The following SNTG1 variants were observed in gnomAD, a reference collection of about 807,000 sequenced individuals.
The protein encoded by SNTG1 is gamma-1-syntrophin.
SNTG1 carries 39 observed loss-of-function variants against 74.7 expected under a neutral mutation model. That is an observed-to-expected ratio of 0.52 (90% confidence interval 0.40 to 0.68). The LOEUF is 0.68. Among genes scored for constraint, SNTG1 ranks in the 30% least tolerant of loss-of-function variants. The pLI is 0.00. For missense variants in SNTG1, 685 were observed against 609.5 expected (o/e 1.12, Z -1.30); for synonymous variants, 254 against 217.1 (o/e 1.17, Z -1.49).
Position 50,442,613 on chromosome 8 carries a change from G to C in SNTG1, c.219+4014G>C, listed in dbSNP as rs550774985. Among the ~76,000 whole-genome samples, 5 of 122,436 alleles carry C rather than the reference G, an allele frequency of 4.1e-5. No homozygotes were observed. In the South Asian group the frequency reaches 1.3e-3, roughly 32 times the overall value. 80.3% of individuals were successfully genotyped at this position (122,436 alleles called of 152,430 possible). On this transcript the variant is annotated intron_variant, in intron 5 of 18. Coordinates refer to ENST00000642720, the MANE Select transcript of SNTG1 (RefSeq NM_018967.5). The stretch of plus-strand genomic sequence containing the variant: ...GCCTGTTATTATTTAATTTTCCTTT[G>C]TTAAAACATCTCTCAGAAATCACAT...
chr8:50,014,669 A>AC (rs1816143411), intron 1 of SNTG1, among the ~76,000 whole-genome samples: 1 of 152,274 alleles, frequency 6.6e-6, no homozygotes, highest in East Asian at 1.9e-4. Flanking sequence ...ACGGCAAAGG[A>AC]TAGAGGATCT....
At chr8:50,355,444 T>C (rs1194095461) in intron 2 of SNTG1, among the ~76,000 whole-genome samples, 3 of 152,182 alleles carry the variant, frequency 2.0e-5, no homozygotes, top group African/African-American at 7.2e-5. Context: ...TTGATAATTA[T>C]GTTAGTATTT....
chr8:50,061,943 T>C (rs558636109), intron 1 of SNTG1, among the ~76,000 whole-genome samples: 1 of 152,278 alleles, frequency 6.6e-6, no homozygotes, highest in Non-Finnish European at 1.5e-5. Context: ...TACTAATGGG[T>C]AAAATATGGT....
At chr8:50,656,037 G>A (rs559289914) in intron 13 of SNTG1, among the ~76,000 whole-genome samples, 3 of 152,054 alleles carry the variant, frequency 2.0e-5, no homozygotes, top group African/African-American at 7.2e-5. Context: ...GATGATAGAA[G>A]GTCTCATGAG....
intron 2 of SNTG1, among the ~76,000 whole-genome samples, chr8:50,293,599 G>T (rs1473079297): frequency 6.6e-6 from 1 of 151,730 alleles, no homozygotes; most frequent in Non-Finnish European, 1.5e-5. Context: ...TAGTAGAGAT[G>T]GGGTTTCACC....
At position 50,648,232 on chromosome 8, in the gene SNTG1, G is replaced by A. The variant is rs187846316; in HGVS notation, c.850-8677G>A. 3.0e-3 allele frequency among the ~76,000 whole-genome samples: 462 copies of A among 152,158 alleles called. 3 individuals are homozygous for A. Among genetic ancestry groups the A allele is most frequent in the African/African-American group, 0.011 (445 of 41,540 alleles). On this transcript the variant is annotated intron_variant, in intron 13 of 18. Transcript: ENST00000642720. ...AAACTCAGTTCAAAATCATAAAACT[G>A]CATACAGTGATGATATTTCTGGAAG...
chr8:50,699,410 T>C (rs1186616011), intron 15 of SNTG1, among the ~76,000 whole-genome samples: 4 of 152,190 alleles, frequency 2.6e-5, no homozygotes, highest in African/African-American at 9.7e-5. Context: ...GTCCCAATAT[T>C]TGATTTTGCT....
At chr8:49,949,129 T>C (rs1358529772) in intron 1 of SNTG1, among the ~76,000 whole-genome samples, 2 of 152,262 alleles carry the variant, frequency 1.3e-5, no homozygotes, top group Non-Finnish European at 2.9e-5. Flanking sequence ...CCAGGCCTGA[T>C]GGTTCTAAAA....
At chr8:50,233,010 T>C (rs991011624) in intron 2 of SNTG1, among the ~76,000 whole-genome samples, 7 of 151,632 alleles carry the variant, frequency 4.6e-5, no homozygotes, top group Admixed American at 6.6e-5. Context: ...ATAAGTTTAA[T>C]GAAATTCCTG....
In SNTG1 at chr8:49,998,516, TTACTA is replaced by T. The variant is rs1402549441; in HGVS notation, c.-103+86293_-103+86297del. 2.6e-5 allele frequency among the ~76,000 whole-genome samples: 4 copies of T among 151,960 alleles called. No individual in the cohort carries two copies. In the East Asian group the frequency reaches 5.8e-4, roughly 22 times the overall value. Reference sequence around the variant, plus strand: ...CTGTACAAAATATTTTTTAATATCTTTACTATACTATATGTTTTATTTTATTTTTA... The same window carrying T: ...CTGTACAAAATATTTTTTAATATCTTTACTATATGTTTTATTTTATTTTTA... On this transcript the variant is annotated intron_variant, in intron 1 of 18. Transcript: ENST00000642720.
intron 2 of SNTG1, among the ~76,000 whole-genome samples, chr8:50,211,917 G>T (rs988030097): frequency 3.3e-5 from 5 of 151,930 alleles, no homozygotes; most frequent in Admixed American, 6.6e-5. Flanking sequence ...TTCTCTCAAG[G>T]TGTTATTATT....
intron 1 of SNTG1, among the ~76,000 whole-genome samples, chr8:50,150,565 C>A (rs920079571): frequency 3.9e-5 from 6 of 152,056 alleles, no homozygotes; most frequent in Non-Finnish European, 2.9e-5. Flanking sequence ...TGAGATACGT[C>A]CCATTAATAC....
At chr8:50,584,955 A>C (rs916502321) in intron 12 of SNTG1, among the ~76,000 whole-genome samples, 3 of 152,058 alleles carry the variant, frequency 2.0e-5, no homozygotes, top group African/African-American at 7.2e-5. Flanking sequence ...AGTGCTTGGA[A>C]AGGAAAGTGC....
intron 9 of SNTG1, among the ~76,000 whole-genome samples, chr8:50,514,382 A>G (rs1563507240): frequency 6.6e-6 from 1 of 152,074 alleles, no homozygotes; most frequent in Admixed American, 6.6e-5. Flanking sequence ...CTCTCTTTGT[A>G]ATGCTTTTGC....
At chr8:50,611,322 G>A (rs1373601918) in intron 13 of SNTG1, among the ~76,000 whole-genome samples, 1 of 152,072 alleles carries the variant, frequency 6.6e-6, no homozygotes, top group Admixed American at 6.5e-5. Flanking sequence ...GAAGCTACAG[G>A]GCAAGGACAT....
At position 50,191,692 on chromosome 8, in the gene SNTG1, G is replaced by A. The variant is rs540117840; in HGVS notation, c.-28+19057G>A. ...ATCACCTAGGTTTTAAGCCCTGCATGCAGTAGGTATTTGTGCTAATGCTCT... is the reference window on the plus strand; with the variant it reads ...ATCACCTAGGTTTTAAGCCCTGCATACAGTAGGTATTTGTGCTAATGCTCT... On this transcript the variant is annotated intron_variant, in intron 2 of 18. Transcript: ENST00000642720. Among the ~76,000 whole-genome samples, 5 of 152,140 alleles carry A rather than the reference G, an allele frequency of 3.3e-5. No individual in the cohort carries two copies. The South Asian group carries it at 1.0e-3, about 32-fold the overall frequency.
intron 4 of SNTG1, among the ~76,000 whole-genome samples, chr8:50,408,464 TG>T (rs1307343113): frequency 6.6e-6 from 1 of 152,156 alleles, no homozygotes; most frequent in African/African-American, 2.4e-5. Context: ...CCTTGTGGAC[TG>T]GGACTCAGGG....
At chr8:50,735,348 C>T (rs2095525641) in intron 17 of SNTG1, among the ~76,000 whole-genome samples, 1 of 151,546 alleles carries the variant, frequency 6.6e-6, no homozygotes, top group African/African-American at 2.4e-5. Context: ...ATGTTCTAAA[C>T]CAATGAAAGG....
At chr8:50,714,760 C>T (rs1469145055) in intron 17 of SNTG1, among the ~76,000 whole-genome samples, 1 of 151,940 alleles carries the variant, frequency 6.6e-6, no homozygotes, top group Non-Finnish European at 1.5e-5. Flanking sequence ...GATTGGGCCA[C>T]ATGATCAAGG....
Sources: gnomAD v4.1 joint callset for allele counts (sites outside exome capture counted in the v4.1 genomes callset) on GRCh38, gnomAD v4.1.1 for gene constraint, MANE v1.5 for transcripts, NCBI Gene and HGNC (gene_info 2026-07-23, HGNC 2026-07-21) for gene names.